Variants in STIM1 observed in about 807,000 individuals in gnomAD.
The protein encoded by STIM1 is stromal interaction molecule 1.
Under a neutral mutation model 74.7 loss-of-function variants are expected in STIM1, and 25 were observed. That is an observed-to-expected ratio of 0.33 (90% confidence interval 0.24 to 0.47). The LOEUF is 0.47. Ranked by LOEUF, STIM1 falls within the 20% of genes least tolerant of loss-of-function variation. The probability of loss-of-function intolerance (pLI) is 1.00; values close to 1 mark genes in which losing one functional copy is unlikely to be tolerated. For missense variants in STIM1, 728 were observed against 920.8 expected (o/e 0.79, Z 2.71); for synonymous variants, 328 against 348.8 (o/e 0.94, Z 0.66).
At chr11:3,863,864 G>T (rs59228238) in intron 1 of STIM1, among the ~76,000 whole-genome samples, 1,661 of 152,030 alleles carry the variant, frequency 0.011, 23 homozygotes, top group African/African-American at 0.036. Context: ...CAATTATTCC[G>T]CTTTATTAAT....
At position 3,961,056 on chromosome 11, in the gene STIM1, G is replaced by A. The variant is rs117102261; in HGVS notation, c.140-6496G>A. 1.3e-4 allele frequency among the ~76,000 whole-genome samples: 20 copies of A among 151,916 alleles called. No homozygotes were observed. The East Asian group carries it at 3.9e-3, about 29-fold the overall frequency. On this transcript the variant is annotated intron_variant, in intron 1 of 12. Transcript: ENST00000526596. ...GTCTCACTGTTGCCCAGGCTGTAGT[G>A]CAGTGGTGCAATCACAGCTCATTGC...
intron 2 of STIM1, among the ~76,000 whole-genome samples, chr11:4,005,286 A>G (rs957149728): frequency 2.0e-5 from 3 of 152,178 alleles, no homozygotes; most frequent in Admixed American, 6.5e-5. Context: ...ATGCACGCGT[A>G]TGTTTATTGT....
chr11:3,895,762 TCC>T lies in STIM1; in HGVS notation c.139+39354_139+39355del, dbSNP rs2092126515. Reference sequence around the variant, plus strand: ...TTTCTTTCTTCCTTCCTTCCTTCCTTCCTTCCTTCCTTCCTTCCTTCCTTCCT... The same window carrying T: ...TTTCTTTCTTCCTTCCTTCCTTCCTTTTCCTTCCTTCCTTCCTTCCTTCCT... On this transcript the variant is annotated intron_variant, in intron 1 of 12. Coordinates refer to ENST00000526596, the MANE Select transcript of STIM1 (RefSeq NM_001382567.1). 4.0e-5 allele frequency among the ~76,000 whole-genome samples: 3 copies of T among 74,226 alleles called. 1 individual carries two copies. The highest frequency in any genetic ancestry group is 2.9e-4 in the African/African-American group (3 of 10,514). 48.7% of individuals were successfully genotyped at this position (74,226 alleles called of 152,430 possible). A position where few individuals can be genotyped will look rare whatever the true frequency, so the allele number is the denominator to read the frequency against.
chr11:4,084,366 G>A (rs959938741), intron 10 of STIM1, among the ~76,000 whole-genome samples: 5 of 152,178 alleles, frequency 3.3e-5, no homozygotes, highest in African/African-American at 4.8e-5. Context: ...ATTCCCACTC[G>A]AGACAGAATT....
intron 2 of STIM1, among the ~76,000 whole-genome samples, chr11:3,981,720 G>A (rs796163148): frequency 1.3e-5 from 2 of 152,246 alleles, no homozygotes; most frequent in African/African-American, 4.8e-5. Flanking sequence ...CCTCCTCTGT[G>A]ACCTTCTTCC....
Position 3,934,602 on chromosome 11 carries a change from A to C in STIM1, c.140-32950A>C, listed in dbSNP as rs534819628. Among the ~76,000 whole-genome samples the C allele has an allele frequency of 2.6e-5, 4 of 152,370 alleles. No homozygotes were observed. The South Asian group carries it at 8.3e-4, about 32-fold the overall frequency. On this transcript the variant is annotated intron_variant, in intron 1 of 12. Transcript: ENST00000526596. ...AGGGTATGAGGGAGACTAGAGTCTCAAAAATTGTAGAATTGAACAATTCAA... is the reference window on the plus strand; with the variant it reads ...AGGGTATGAGGGAGACTAGAGTCTCCAAAATTGTAGAATTGAACAATTCAA...
intron 1 of STIM1, among the ~76,000 whole-genome samples, chr11:3,878,146 G>A (rs1353630784): frequency 3.3e-5 from 5 of 152,090 alleles, no homozygotes; most frequent in African/African-American, 4.8e-5. Context: ...GCCCTCCTTC[G>A]GGAGCTGAGC....
Position 3,891,359 on chromosome 11 carries a change from G to A in STIM1, c.139+34950G>A, listed in dbSNP as rs1017231616. ...GGCTGGAGTGCAGTGGCACGATCTCGGCTCACTGCAACCTCTGCCTCCTGG... is the reference window on the plus strand; with the variant it reads ...GGCTGGAGTGCAGTGGCACGATCTCAGCTCACTGCAACCTCTGCCTCCTGG... On this transcript the variant is annotated intron_variant, in intron 1 of 12. Transcript: ENST00000526596. Among the ~76,000 whole-genome samples the A allele has an allele frequency of 3.3e-5, 5 of 151,064 alleles. No homozygotes were observed. The South Asian group carries it at 1.0e-3, about 31-fold the overall frequency.
intron 1 of STIM1, among the ~76,000 whole-genome samples, chr11:3,872,057 T>G (rs2091117111): frequency 6.6e-6 from 1 of 152,158 alleles, no homozygotes; most frequent in South Asian, 2.1e-4. Context: ...GTTTTCTAAC[T>G]CTCGTTTTTT....
chr11:4,059,721 A>G (rs2094317409), intron 5 of STIM1, among the ~76,000 whole-genome samples: 1 of 152,186 alleles, frequency 6.6e-6, no homozygotes, highest in Non-Finnish European at 1.5e-5. Flanking sequence ...TGAGGCCCAG[A>G]TGAGGGCTAG....
At chr11:3,870,977 A>G (rs2091068466) in intron 1 of STIM1, among the ~76,000 whole-genome samples, 1 of 145,808 alleles carries the variant, frequency 6.9e-6, no homozygotes, top group Non-Finnish European at 1.5e-5. Flanking sequence ...GGTTCAAGCG[A>G]TTCTCCCACC....
intron 4 of STIM1, chr11:4,059,013 GGA>G: frequency 9.3e-7 from 1 of 1,072,900 alleles, no homozygotes. Flanking sequence ...GTTGGGTGTG[GGA>G]ATGGTCACAG....
chr11:3,912,063 AAT>A (rs1231363669), intron 1 of STIM1, among the ~76,000 whole-genome samples: 1 of 152,038 alleles, frequency 6.6e-6, no homozygotes, highest in Non-Finnish European at 1.5e-5. Flanking sequence ...TAGTGAGGCT[AAT>A]AGGGGGCATC....
At chr11:3,956,068 T>C (rs2093209105) in intron 1 of STIM1, among the ~76,000 whole-genome samples, 2 of 150,310 alleles carry the variant, frequency 1.3e-5, no homozygotes, top group African/African-American at 2.4e-5. Context: ...ATCAGAAAGA[T>C]GGCAGGTGTC....
intron 2 of STIM1, among the ~76,000 whole-genome samples, chr11:3,986,246 TC>T: frequency 6.6e-6 from 1 of 152,232 alleles, no homozygotes; most frequent in South Asian, 2.1e-4. Flanking sequence ...AGTTAATCCA[TC>T]TGAGGATGAT....
chr11:4,083,221 A>G, intron 9 of STIM1, 42 bp from the exon 10 acceptor site: 1 of 1,597,296 alleles, frequency 6.3e-7, no homozygotes, highest in Non-Finnish European at 8.6e-7. Context: ...ATTGGGGCTC[A>G]CACCAAGTCC....
intron 1 of STIM1, among the ~76,000 whole-genome samples, chr11:3,865,711 T>C (rs548099163): frequency 3.3e-4 from 50 of 152,320 alleles, no homozygotes; most frequent in Admixed American, 1.8e-3. Context: ...GTTGTATGTC[T>C]CACCACTGAG....
At chr11:3,866,397 C>T (rs1465659921) in intron 1 of STIM1, among the ~76,000 whole-genome samples, 1 of 151,830 alleles carries the variant, frequency 6.6e-6, no homozygotes, top group African/African-American at 2.4e-5. Context: ...ACTTCACACC[C>T]TGCTTACGCC....
chr11:3,986,850 T>G (rs1482578344), intron 2 of STIM1, among the ~76,000 whole-genome samples: 1 of 152,130 alleles, frequency 6.6e-6, no homozygotes, highest in African/African-American at 2.4e-5. Context: ...TGTGTGCAAA[T>G]TTCTATAGTT....
Sources: gnomAD v4.1 joint callset for allele counts (sites outside exome capture counted in the v4.1 genomes callset) on GRCh38, gnomAD v4.1.1 for gene constraint, MANE v1.5 for transcripts, NCBI Gene and HGNC (gene_info 2026-07-23, HGNC 2026-07-21) for gene names.